SEPTIN9: variants seen among roughly 807,000 people sequenced by gnomAD.
SEPTIN9 encodes septin-9.
A neutral mutation model predicts 56.6 loss-of-function variants in SEPTIN9; 13 were observed. The ratio of observed to expected loss-of-function variants is 0.23; its 90% confidence interval spans 0.15 to 0.37. The LOEUF (loss-of-function observed/expected upper bound fraction) is 0.37. Ranked by LOEUF, SEPTIN9 falls within the 10% of genes least tolerant of loss-of-function variation. The pLI, the probability that SEPTIN9 is intolerant of heterozygous loss-of-function variation, is 1.00. For synonymous variants in SEPTIN9, 332 were observed against 334.1 expected (o/e 0.99, Z 0.07); for missense variants, 650 against 823.1 (o/e 0.79, Z 2.57).
intron 2 of SEPTIN9, among the ~76,000 whole-genome samples, chr17:77,341,655 G>T (rs970590497): frequency 1.3e-5 from 2 of 151,824 alleles, no homozygotes; most frequent in Non-Finnish European, 2.9e-5. Context: ...GGTGCCTGTA[G>T]TCCCAGCTAC....
chr17:77,374,797 A>C (rs1191462800), intron 2 of SEPTIN9: 1 of 152,342 alleles, frequency 6.6e-6, no homozygotes, highest in African/African-American at 2.4e-5. Context: ...GCTGGACGCC[A>C]AGCAGAGTGC....
At chr17:77,351,257 A>ACG (rs1320201805) in intron 2 of SEPTIN9, among the ~76,000 whole-genome samples, 71 of 146,988 alleles carry the variant, frequency 4.8e-4, no homozygotes, top group African/African-American at 1.8e-3. Context: ...ACACACACAC[A>ACG]CACACACACA....
At chr17:77,363,291 C>A (rs1177541847) in intron 2 of SEPTIN9, among the ~76,000 whole-genome samples, 1 of 151,940 alleles carries the variant, frequency 6.6e-6, no homozygotes, top group Non-Finnish European at 1.5e-5. Context: ...ACAGACACTC[C>A]CGCAACTTTC....
At chr17:77,454,322 G>A (rs2038099291) in intron 3 of SEPTIN9, 1 of 985,410 alleles carries the variant, frequency 1.0e-6, no homozygotes, top group Admixed American at 6.1e-5. Flanking sequence ...CCGGCGCCGA[G>A]CTTTGATTTG....
At chr17:77,468,224 C>A (rs1297604963) in intron 3 of SEPTIN9, among the ~76,000 whole-genome samples, 1 of 152,118 alleles carries the variant, frequency 6.6e-6, no homozygotes, top group Non-Finnish European at 1.5e-5. Context: ...CAGATAGTGC[C>A]ACTGCACTCC....
chr17:77,451,631 C>T lies in SEPTIN9; in HGVS notation c.722-30513C>T, dbSNP rs1347674452. ...ACCCTGATGGCCATGGTGGCGGTGC[C>T]GGGAGCCACGCTGTCCCTGGGCCCC... is the stretch of plus-strand genomic sequence containing the variant. On this transcript the variant is annotated intron_variant, in intron 3 of 11. Transcript: ENST00000427177. This position sits in a 1 kb window ranked among gnomAD's most constrained non-coding sequence, Gnocchi z 4.2. 5 of 868,606 alleles carry T rather than the reference C, an allele frequency of 5.8e-6. No homozygotes were observed. Among genetic ancestry groups the T allele is most frequent in the Non-Finnish European group, 6.9e-6 (5 of 723,122 alleles). The allele number at this position is 868,606 out of a possible 1,614,324, so 53.8% of individuals were successfully genotyped here. A position where few individuals can be genotyped will look rare whatever the true frequency, so the allele number is the denominator to read the frequency against.
At chr17:77,370,932 C>A (rs1282811985) in intron 2 of SEPTIN9, among the ~76,000 whole-genome samples, 1 of 152,124 alleles carries the variant, frequency 6.6e-6, no homozygotes, top group Non-Finnish European at 1.5e-5. Context: ...AAAGAGGAGG[C>A]CAAGGAGCAA....
Position 77,402,362 on chromosome 17 carries a change from C to G in SEPTIN9, c.380C>G (p.Pro127Arg). 1.2e-6 allele frequency: 2 copies of G among 1,612,258 alleles called. No individual in the cohort carries two copies. Among genetic ancestry groups the G allele is most frequent in the Non-Finnish European group, 1.7e-6 (2 of 1,179,682 alleles). Residue 127 changes from proline (P) to arginine (R), a missense_variant, in exon 3 of 12, where the codon CCG (proline) becomes CGG (arginine). By Grantham distance (103) the Pro-to-Arg change is moderately radical. Coordinates refer to ENST00000427177, the MANE Select transcript of SEPTIN9 (RefSeq NM_001113491.2). The surrounding 1 kb of genome is among the most constrained non-coding windows in gnomAD (Gnocchi z 6.6). ...KQVENAGAIG[P>R]SRFGLKRAEV... ...GTGGAGAACGCCGGGGCCATCGGCC[C>G]GTCCCGGTTCGGGCTCAAGAGGGCC...
intron 2 of SEPTIN9, among the ~76,000 whole-genome samples, chr17:77,384,793 C>T (rs1241299113): frequency 1.3e-5 from 2 of 151,336 alleles, no homozygotes; most frequent in Admixed American, 6.6e-5. Context: ...AGCCACATGG[C>T]GCCACATGGA....
At chr17:77,428,659 C>T (rs2037006306) in intron 3 of SEPTIN9, among the ~76,000 whole-genome samples, 1 of 152,180 alleles carries the variant, frequency 6.6e-6, no homozygotes, top group African/African-American at 2.4e-5. Context: ...CCCTGGGTCA[C>T]ACAGCGACAG....
At position 77,367,375 on chromosome 17, in the gene SEPTIN9, C is replaced by A. The variant is rs1236805272; in HGVS notation, c.77-34684C>A. 3.3e-5 allele frequency among the ~76,000 whole-genome samples: 5 copies of A among 152,208 alleles called. No homozygotes were observed. Among genetic ancestry groups the A allele is most frequent in the Non-Finnish European group, 7.3e-5 (5 of 68,036 alleles). On this transcript the variant is annotated intron_variant, in intron 2 of 11. Transcript: ENST00000427177. This position sits in a 1 kb window ranked among gnomAD's most constrained non-coding sequence, Gnocchi z 4.5. ...TCCCCTCTGCCCCTTTGGGCTCATG[C>A]CCCATCAGGAGTCTCCCGACTCTGC... is the stretch of plus-strand genomic sequence containing the variant.
chr17:77,385,426 C>A (rs1270607756), intron 2 of SEPTIN9, among the ~76,000 whole-genome samples: 2 of 152,084 alleles, frequency 1.3e-5, no homozygotes, highest in Admixed American at 6.6e-5. Flanking sequence ...ACCATGTTGA[C>A]CAGGCTGGTC....
rs188205258 is a variant in SEPTIN9 at position 77,347,290 on chromosome 17, A to G, written c.76+40093A>G. On this transcript the variant is annotated intron_variant, in intron 2 of 11. Transcript: ENST00000427177. Reference sequence around the variant, plus strand: ...CTACTCGGGAGGCTGAGGCAGGAGAATCGCTTGAACCCAGGAGGTGGAGGT... The same window carrying G: ...CTACTCGGGAGGCTGAGGCAGGAGAGTCGCTTGAACCCAGGAGGTGGAGGT... Among the ~76,000 whole-genome samples, 98 of 151,854 alleles carry G rather than the reference A, an allele frequency of 6.5e-4. No individual in the cohort carries two copies. The Middle Eastern group carries it at 0.014, about 21-fold the overall frequency.
chr17:77,467,902 C>A (rs529935229), intron 3 of SEPTIN9, among the ~76,000 whole-genome samples: 1 of 152,244 alleles, frequency 6.6e-6, no homozygotes, highest in South Asian at 2.1e-4. Context: ...GTGCTTCGGA[C>A]GTGTAAGGTT....
In SEPTIN9 at chr17:77,308,741, G is replaced by A. The variant is rs144409115; in HGVS notation, c.76+1544G>A. 2.7e-3 allele frequency among the ~76,000 whole-genome samples: 418 copies of A among 152,308 alleles called. 2 individuals carry two copies. Among genetic ancestry groups the A allele is most frequent in the Admixed American group, 5.7e-3 (87 of 15,286 alleles). On this transcript the variant is annotated intron_variant, in intron 2 of 11. Coordinates refer to ENST00000427177, the MANE Select transcript of SEPTIN9 (RefSeq NM_001113491.2). Reference sequence around the variant, plus strand: ...TTGCTTCTGTGGGGACAGCACAGACGCCTCCTAAGTCTGCCTTCCAGAGGT... The same window carrying A: ...TTGCTTCTGTGGGGACAGCACAGACACCTCCTAAGTCTGCCTTCCAGAGGT...
At chr17:77,301,394 TTGTGTGTGTGTGTG>T (rs56947697) in intron 1 of SEPTIN9, among the ~76,000 whole-genome samples, 254 of 142,508 alleles carry the variant, frequency 1.8e-3, no homozygotes, top group East Asian at 6.6e-3. Flanking sequence ...GGGAATAGAT[TTGTGTGTGTGTGTG>T]TGTGTGTGTG....
intron 3 of SEPTIN9, among the ~76,000 whole-genome samples, chr17:77,458,418 A>G (rs914481893): frequency 6.6e-6 from 1 of 152,162 alleles, no homozygotes; most frequent in African/African-American, 2.4e-5. Context: ...CAGGCTCTAA[A>G]ACCTCAGCGA....
intron 2 of SEPTIN9, among the ~76,000 whole-genome samples, chr17:77,396,627 GC>G (rs1442054618): frequency 1.3e-5 from 2 of 152,280 alleles, no homozygotes; most frequent in African/African-American, 4.8e-5. Context: ...AGGACCCAGG[GC>G]GCAGTCTTAG....
intron 3 of SEPTIN9, among the ~76,000 whole-genome samples, chr17:77,473,485 G>A (rs1399342824): frequency 1.3e-5 from 2 of 151,978 alleles, no homozygotes; most frequent in African/African-American, 4.8e-5. Flanking sequence ...CTCCCGCCTC[G>A]GCCTCCCAGA....
Sources: gnomAD v4.1 joint callset for allele counts (sites outside exome capture counted in the v4.1 genomes callset) on GRCh38, gnomAD v4.1.1 for gene constraint, Gnocchi (gnomAD v3.1) non-coding constraint, MANE v1.5 for transcripts, NCBI Gene and HGNC (gene_info 2026-07-23, HGNC 2026-07-21) for gene names.